The following NDRG2 variants were observed in gnomAD, a reference collection of about 807,000 sequenced individuals.
NDRG2 encodes NDRG family member 2, also known as protein NDRG2.
Under a neutral mutation model 58.2 loss-of-function variants are expected in NDRG2, and 34 were observed. That is an observed-to-expected ratio of 0.58 (90% CI 0.44 to 0.78). The LOEUF is 0.78. Among genes scored for constraint, NDRG2 ranks in the 30% least tolerant of loss-of-function variants. The pLI is 0.00. For synonymous variants in NDRG2, 187 were observed against 175.9 expected (o/e 1.06, Z -0.50); for missense variants, 434 against 471.2 (o/e 0.92, Z 0.73).
At position 21,030,902 on chromosome 14, in the gene NDRG2, T is replaced by C. The variant is rs146609024; in HGVS notation, c.25-7581A>G. ...GTGCTATCCTTTGTCTTCGAGACACTCACTGATTGATAGGACAAAAGAGGC... is the reference window on the plus strand; with the variant it reads ...GTGCTATCCTTTGTCTTCGAGACACCCACTGATTGATAGGACAAAAGAGGC... On this transcript the variant is annotated intron_variant, in intron 1 of 14. Coordinates refer to the NDRG2 transcript ENST00000403829. 1,194 of 1,512,628 alleles carry C rather than the reference T, an allele frequency of 7.9e-4. 6 individuals are homozygous for C. In the African/African-American group the frequency reaches 0.014, roughly 18 times the overall value. The allele number at this position is 1,512,628 out of a possible 1,614,324, so 93.7% of individuals were successfully genotyped here. A position where few individuals can be genotyped will look rare whatever the true frequency, so the allele number is the denominator to read the frequency against.
intron 1 of NDRG2, among the ~76,000 whole-genome samples, chr14:21,066,703 G>A (rs770632503): frequency 6.6e-6 from 1 of 152,198 alleles, no homozygotes; most frequent in Non-Finnish European, 1.5e-5. Flanking sequence ...GGTAAGAGTG[G>A]AACAGGCAGA....
At chr14:21,022,746 G>C in intron 3 of NDRG2, 118 bp downstream of exon 3, 1 of 960,782 alleles carries the variant, frequency 1.0e-6, no homozygotes, top group East Asian at 2.6e-5. Flanking sequence ...GGAAGGGAAA[G>C]GACTAGAATA....
chr14:21,063,218 A>G (rs1394107794), intron 1 of NDRG2, among the ~76,000 whole-genome samples: 2 of 149,646 alleles, frequency 1.3e-5, no homozygotes, highest in Admixed American at 6.6e-5. Context: ...AGTGGTGTGT[A>G]TGTGTGTGTG....
intron 1 of NDRG2, chr14:21,058,362 T>C (rs778041469): frequency 2.5e-5 from 40 of 1,587,634 alleles, no homozygotes; most frequent in Admixed American, 3.4e-5. Context: ...GTCTAAGCCC[T>C]GGTGCCCACG....
chr14:21,057,184 C>T (rs1331428963), intron 1 of NDRG2, among the ~76,000 whole-genome samples: 7 of 152,142 alleles, frequency 4.6e-5, no homozygotes, highest in Non-Finnish European at 7.3e-5. Context: ...CCTGTAATCC[C>T]AGCACTTTGG....
At position 21,070,350 on chromosome 14, in the gene NDRG2, G is replaced by A; in HGVS notation, c.24+478C>T. 2.1e-6 allele frequency: 3 copies of A among 1,405,550 alleles called. No homozygotes were observed. Among genetic ancestry groups the A allele is most frequent in the South Asian group, 1.5e-5 (1 of 66,346 alleles). 87.1% of individuals were successfully genotyped at this position (1,405,550 alleles called of 1,614,324 possible). ...GCGGGAGGGAGGCGGTGGCGCGCCC[G>A]GCCCCGCCCGCCCGACCAAGCGTCG... On this transcript the variant is annotated intron_variant, in intron 1 of 14. Coordinates refer to the NDRG2 transcript ENST00000403829. This position sits in a 1 kb window ranked among gnomAD's most constrained non-coding sequence, Gnocchi z 4.7.
At chr14:21,061,476 G>A (rs1885957435) in intron 1 of NDRG2, among the ~76,000 whole-genome samples, 1 of 152,154 alleles carries the variant, frequency 6.6e-6, no homozygotes, top group Non-Finnish European at 1.5e-5. Context: ...CCCACTCTGA[G>A]GGTAATGACA....
chr14:21,064,169 A>G (rs1349800678), intron 1 of NDRG2, among the ~76,000 whole-genome samples: 1 of 152,216 alleles, frequency 6.6e-6, no homozygotes, highest in Non-Finnish European at 1.5e-5. Flanking sequence ...GGAATAATTC[A>G]AAGTGCGGAG....
At chr14:21,026,945 C>T (rs1325850535), upstream of NDRG2, among the ~76,000 whole-genome samples, 1 of 146,280 alleles carries the variant, frequency 6.8e-6, no homozygotes, top group Non-Finnish European at 1.5e-5. Context: ...GGGAGAGCCT[C>T]GAGTGAGAAC....
At chr14:21,051,803 G>C (rs1885481650) in intron 1 of NDRG2, among the ~76,000 whole-genome samples, 1 of 152,184 alleles carries the variant, frequency 6.6e-6, no homozygotes, top group Non-Finnish European at 1.5e-5. Flanking sequence ...CTGTTTGAAG[G>C]TTGAAGCTTG....
intron 1 of NDRG2, chr14:21,032,382 T>A: frequency 2.1e-6 from 1 of 484,840 alleles, no homozygotes; most frequent in Non-Finnish European, 4.0e-6. Context: ...GATGTGGAGG[T>A]AAAAGTATCT....
At chr14:21,030,530 C>T, upstream of NDRG2, 1 of 1,576,140 alleles carries the variant, frequency 6.3e-7, no homozygotes, top group Non-Finnish European at 8.6e-7. Context: ...TCCCCCTTCT[C>T]CTTCACCCCC....
rs8015984 is a variant in NDRG2, at chr14:21,018,113, C to T, written c.898-75G>A. 5.2e-5 allele frequency: 83 copies of T among 1,602,106 alleles called. No homozygotes were observed. In the African/African-American group the frequency reaches 9.9e-4, roughly 19 times the overall value. On this transcript the variant is annotated intron_variant, in intron 14 of 15. Transcript: ENST00000556147. ...AGAGCTGGAGCCTGAGGCTGCGGCA[C>T]TGTGGGGCCGGGTGTGTGGCAAAGG...
intron 8 of NDRG2, chr14:21,020,292 TCA>T: frequency 2.4e-6 from 1 of 409,758 alleles, no homozygotes; most frequent in Non-Finnish European, 4.2e-6. Flanking sequence ...AGACACCATC[TCA>T]AAAAAAAAAA....
At chr14:21,056,149 G>A (rs1316371166) in intron 1 of NDRG2, among the ~76,000 whole-genome samples, 1 of 152,068 alleles carries the variant, frequency 6.6e-6, no homozygotes, top group African/African-American at 2.4e-5. Context: ...TCCCAAAGGT[G>A]GAGAAGTTAC....
chr14:21,069,966 C>T lies in NDRG2; in HGVS notation c.24+862G>A, dbSNP rs571345086. Among the ~76,000 whole-genome samples the T allele has an allele frequency of 1.6e-4, 25 of 152,338 alleles. No individual in the cohort carries two copies. In the East Asian group the frequency reaches 4.8e-3, roughly 29 times the overall value. On this transcript the variant is annotated intron_variant, in intron 1 of 14. Coordinates refer to the NDRG2 transcript ENST00000403829. ...TGGAGCATCCCTTGCCGAGGCTAAA[C>T]TGATCCCGCGGGGAGCGAGGCCGTG...
upstream of NDRG2, among the ~76,000 whole-genome samples, chr14:21,029,818 C>T (rs1176959511): frequency 6.6e-6 from 1 of 152,110 alleles, no homozygotes. Flanking sequence ...CAGCCCTCAC[C>T]AAACACTGAA....
At chr14:21,040,703 A>G (rs1363573155) in intron 1 of NDRG2, among the ~76,000 whole-genome samples, 1 of 152,176 alleles carries the variant, frequency 6.6e-6, no homozygotes, top group African/African-American at 2.4e-5. Context: ...CACCTCAGGC[A>G]TCTGTCTGCT....
At chr14:21,030,905 C>T in intron 1 of NDRG2, 1 of 1,518,634 alleles carries the variant, frequency 6.6e-7, no homozygotes. Context: ...GAGACACTCA[C>T]TGATTGATAG....
Sources: allele counts gnomAD v4.1 joint callset (sites outside exome capture counted in the v4.1 genomes callset), GRCh38; gene constraint gnomAD v4.1.1; non-coding constraint Gnocchi (gnomAD v3.1); transcripts MANE v1.5; gene names NCBI Gene and HGNC (gene_info 2026-07-23, HGNC 2026-07-21).